The following CYP7B1 variants were observed in gnomAD, a reference collection of about 807,000 sequenced individuals.
CYP7B1 encodes the protein cytochrome P450 family 7 subfamily B member 1, also known as cytochrome P450 7B1.
CYP7B1 carries 29 observed loss-of-function variants against 42.7 expected under a neutral mutation model. The observed-to-expected ratio is 0.68, with a 90% confidence interval of 0.51 to 0.93. CYP7B1 has a LOEUF of 0.93. Among genes scored for constraint, CYP7B1 ranks in the 40% least tolerant of loss-of-function variants. The pLI, the probability that CYP7B1 is intolerant of heterozygous loss-of-function variation, is 0.00. For missense variants in CYP7B1, 655 were observed against 600.5 expected (o/e 1.09, Z -0.95); for synonymous variants, 235 against 218.2 (o/e 1.08, Z -0.68).
Position 64,669,636 on chromosome 8 carries a change from G to C in CYP7B1, c.123-45097C>G, listed in dbSNP as rs540767248. Among the ~76,000 whole-genome samples the C allele has an allele frequency of 1.6e-3, 247 of 152,064 alleles. 1 individual carries two copies. Among genetic ancestry groups the C allele is most frequent in the Non-Finnish European group, 2.5e-3 (168 of 67,990 alleles). On this transcript the variant is annotated intron_variant, in intron 1 of 5. Coordinates refer to ENST00000310193, the MANE Select transcript of CYP7B1 (RefSeq NM_004820.5). ...TGCAGAGAATTCCAAAGCAGCAACA[G>C]ACATCATTTCGTTTCAGTAAATTTA...
At chr8:64,686,227 G>A (rs1306607478) in intron 1 of CYP7B1, among the ~76,000 whole-genome samples, 26 of 58,220 alleles carry the variant, frequency 4.5e-4, no homozygotes, top group Non-Finnish European at 6.8e-4. Flanking sequence ...CGGGAGGGAG[G>A]TGGGGGGGTC....
chr8:64,599,769 G>C (rs934236942), intron 5 of CYP7B1, among the ~76,000 whole-genome samples: 12 of 152,080 alleles, frequency 7.9e-5, no homozygotes, highest in African/African-American at 2.9e-4. Flanking sequence ...AAAATCTATG[G>C]GGACATCTAG....
intron 1 of CYP7B1, among the ~76,000 whole-genome samples, chr8:64,736,541 C>A (rs1040989020): frequency 6.6e-6 from 1 of 152,170 alleles, no homozygotes; most frequent in African/African-American, 2.4e-5. Context: ...ACCTCCGCCT[C>A]CTGGATTCAA....
intron 1 of CYP7B1, among the ~76,000 whole-genome samples, chr8:64,724,856 A>T (rs1282644695): frequency 6.6e-6 from 1 of 152,198 alleles, no homozygotes; most frequent in Non-Finnish European, 1.5e-5. Flanking sequence ...TCCCCAAGGC[A>T]GTTCCCCTTT....
Position 64,616,280 on chromosome 8 carries a change from T to C in CYP7B1, c.261A>G (p.Gly87=), listed in dbSNP as rs886063074. ...GGTCCAGGATAAATGTTATGTACTTTCCTAGAAAAAAAAAAAGAGAGAGAA... is the reference window on the plus strand; with the variant it reads ...GGTCCAGGATAAATGTTATGTACTTCCCTAGAAAAAAAAAAAGAGAGAGAA... The part of the protein sequence containing the change: ...HGDTFTVLLG[G]KYITFILDPF... Residue 87 remains glycine (G), a splice_region_variant and synonymous_variant, in exon 3 of 6, where the codon GGA becomes GGG. Transcript: ENST00000310193. 18 of 1,557,464 alleles carry C rather than the reference T, an allele frequency of 1.2e-5. No homozygotes were observed. Among genetic ancestry groups the C allele is most frequent in the African/African-American group, 2.7e-5 (2 of 73,156 alleles).
chr8:64,590,090 A>G (rs1805015114), downstream of CYP7B1, among the ~76,000 whole-genome samples: 1 of 152,258 alleles, frequency 6.6e-6, no homozygotes, highest in Admixed American at 6.5e-5. Context: ...AAGGTTCTGC[A>G]AATCTAGAAT....
intron 1 of CYP7B1, among the ~76,000 whole-genome samples, chr8:64,643,138 C>CAT (rs1554527647): frequency 5.2e-5 from 5 of 95,692 alleles, no homozygotes; most frequent in African/African-American, 1.2e-4. Flanking sequence ...CATATATATA[C>CAT]ATATATACAT....
At chr8:64,726,580 A>C (rs1435258735) in intron 1 of CYP7B1, among the ~76,000 whole-genome samples, 1 of 152,148 alleles carries the variant, frequency 6.6e-6, no homozygotes, top group Non-Finnish European at 1.5e-5. Flanking sequence ...CAAGTTACCT[A>C]GCTTCTCTGA....
At chr8:64,711,723 C>A (rs1807084611) in intron 1 of CYP7B1, among the ~76,000 whole-genome samples, 1 of 152,140 alleles carries the variant, frequency 6.6e-6, no homozygotes, top group Non-Finnish European at 1.5e-5. Flanking sequence ...TTATAATACG[C>A]CTTCCTTCTA....
At chr8:64,726,499 G>A (rs555469040) in intron 1 of CYP7B1, among the ~76,000 whole-genome samples, 2 of 152,108 alleles carry the variant, frequency 1.3e-5, no homozygotes, top group Admixed American at 6.5e-5. Context: ...CTATTGGAAC[G>A]GGCACTAGAT....
chr8:64,728,006 T>C (rs180817266), intron 1 of CYP7B1: 1 of 152,366 alleles, frequency 6.6e-6, no homozygotes, highest in East Asian at 1.9e-4. Context: ...AAGTTATGCT[T>C]GCCACTCATT....
intron 1 of CYP7B1, among the ~76,000 whole-genome samples, chr8:64,751,572 G>C (rs1004583937): frequency 6.6e-6 from 1 of 151,982 alleles, no homozygotes; most frequent in South Asian, 2.1e-4. Context: ...TCATCTTCAA[G>C]CACCTCTATG....
At chr8:64,776,806 C>T (rs537260165) in intron 1 of CYP7B1, among the ~76,000 whole-genome samples, 10 of 152,208 alleles carry the variant, frequency 6.6e-5, no homozygotes, top group African/African-American at 2.2e-4. Context: ...ACCCTCCCTA[C>T]ACCCAGAGGA....
intron 1 of CYP7B1, among the ~76,000 whole-genome samples, chr8:64,670,684 T>G (rs1444202468): frequency 6.6e-6 from 1 of 152,156 alleles, no homozygotes; most frequent in Non-Finnish European, 1.5e-5. Context: ...AGAGACAAAC[T>G]GAACCAAAGA....
chr8:64,671,433 G>A (rs1015691008), intron 1 of CYP7B1, among the ~76,000 whole-genome samples: 29 of 152,010 alleles, frequency 1.9e-4, no homozygotes, highest in Non-Finnish European at 4.0e-4. Context: ...ACAATTTTGC[G>A]TAGAACTCCA....
chr8:64,635,687 C>G (rs1805759359), intron 1 of CYP7B1, among the ~76,000 whole-genome samples: 1 of 152,158 alleles, frequency 6.6e-6, no homozygotes, highest in African/African-American at 2.4e-5. Context: ...ACATATTTCT[C>G]CATGGAATTT....
intron 1 of CYP7B1, among the ~76,000 whole-genome samples, chr8:64,753,646 C>A (rs1216189113): frequency 5.9e-5 from 9 of 152,182 alleles, no homozygotes; most frequent in Non-Finnish European, 1.2e-4. Context: ...ATTGTAGTCA[C>A]TGGGAACAGG....
chr8:64,728,795 G>T (rs918596184), intron 1 of CYP7B1: 1 of 152,132 alleles, frequency 6.6e-6, no homozygotes, highest in Admixed American at 6.6e-5. Context: ...AGAAATTTCT[G>T]CCATTTCTTA....
At chr8:64,661,265 A>G (rs1487209802) in intron 1 of CYP7B1, among the ~76,000 whole-genome samples, 1 of 152,172 alleles carries the variant, frequency 6.6e-6, no homozygotes, top group Non-Finnish European at 1.5e-5. Context: ...ATTAGAACAA[A>G]TGTCATAGGT....
Sources: gnomAD v4.1 joint callset for allele counts (sites outside exome capture counted in the v4.1 genomes callset) on GRCh38, gnomAD v4.1.1 for gene constraint, MANE v1.5 for transcripts, NCBI Gene and HGNC (gene_info 2026-07-23, HGNC 2026-07-21) for gene names.